The following TAF4 variants were observed in gnomAD, a reference collection of about 807,000 sequenced individuals.
The protein encoded by TAF4 is TATA-box binding protein associated factor 4, also known as transcription initiation factor TFIID subunit 4.
In TAF4, 9 loss-of-function variants were observed where a neutral mutation model predicts 90.3. The observed-to-expected ratio is 0.10, with a 90% CI of 0.06 to 0.17. The LOEUF (loss-of-function observed/expected upper bound fraction) is 0.17. Among genes scored for constraint, TAF4 ranks in the 10% least tolerant of loss-of-function variants. The pLI is 1.00. For missense variants in TAF4, 1,351 were observed against 1,370.7 expected, an observed-to-expected ratio of 0.99 and a Z score of 0.23; for synonymous variants, 818 against 638.9, an observed-to-expected ratio of 1.28 and a Z score of -4.23.
chr20:62,055,749 C>T (rs1185792529), intron 1 of TAF4, among the ~76,000 whole-genome samples: 1 of 152,222 alleles, frequency 6.6e-6, no homozygotes, highest in Non-Finnish European at 1.5e-5. Context: ...CCTGACTACC[C>T]TGCCCAGCAG....
At chr20:62,047,614 G>A (rs1352062273) in intron 1 of TAF4, among the ~76,000 whole-genome samples, 1 of 152,148 alleles carries the variant, frequency 6.6e-6, no homozygotes, top group East Asian at 1.9e-4. Flanking sequence ...TCAGGACAGC[G>A]CTAGAGGCAC....
chr20:62,030,927 CA>C (rs2055901267), intron 1 of TAF4, among the ~76,000 whole-genome samples: 2 of 152,162 alleles, frequency 1.3e-5, no homozygotes, highest in African/African-American at 4.8e-5. Flanking sequence ...TCTCAGTACT[CA>C]ATTCACTTGC....
intron 1 of TAF4, among the ~76,000 whole-genome samples, chr20:62,039,799 T>C (rs554317363): frequency 2.6e-5 from 4 of 151,990 alleles, no homozygotes; most frequent in African/African-American, 4.8e-5. Flanking sequence ...AAATCAATAA[T>C]GACAAAACTA....
Position 61,975,874 on chromosome 20 carries a change from A to G in TAF4, c.*294T>C. On this transcript the variant is annotated 3_prime_UTR_variant, in exon 15 of 15. Transcript: ENST00000252996. ...AAACTGCTATGAGTTGACAGAGGGC[A>G]GCTAATTATTTGCTAACGATTCCAT... is the stretch of plus-strand genomic sequence containing the variant. 1 of 381,862 alleles carries G rather than the reference A, an allele frequency of 2.6e-6. No individual in the cohort carries two copies. The allele number at this position is 381,862 out of a possible 1,614,324, so 23.7% of individuals were successfully genotyped here.
chr20:62,053,742 G>A (rs868746190), intron 1 of TAF4, among the ~76,000 whole-genome samples: 1 of 152,190 alleles, frequency 6.6e-6, no homozygotes, highest in Non-Finnish European at 1.5e-5. Flanking sequence ...CTGTCCACCC[G>A]TATCCCACCC....
At chr20:62,016,946 G>A (rs991554727) in intron 1 of TAF4, among the ~76,000 whole-genome samples, 2 of 151,920 alleles carry the variant, frequency 1.3e-5, no homozygotes, top group Non-Finnish European at 1.5e-5. Context: ...GACCAGACTG[G>A]GCAATATAGT....
chr20:62,014,661 A>C lies in TAF4; in HGVS notation c.1407T>G (p.Pro469=). Residue 469 remains proline (P), a synonymous_variant, in exon 2 of 15, where the codon CCT becomes CCG. Coordinates refer to ENST00000252996, the MANE Select transcript of TAF4 (RefSeq NM_003185.4). ...RSENGQLLMI[P]QQALAQMQAQ... is the part of the protein sequence containing the mutation. ...CCTGCATCTGGGCCAAGGCCTGCTG[A>C]GGAATCATTAACAACTGCCCATTCT... The C allele has an allele frequency of 1.9e-6, 3 of 1,614,034 alleles. No individual in the cohort carries two copies. The Middle Eastern group carries it at 5.0e-4, about 266-fold the overall frequency.
intron 1 of TAF4, among the ~76,000 whole-genome samples, chr20:62,062,875 A>C (rs998094914): frequency 6.6e-6 from 1 of 152,220 alleles, no homozygotes; most frequent in Non-Finnish European, 1.5e-5. Flanking sequence ...AAAGGGGTGC[A>C]ACAGGCACCT....
intron 1 of TAF4, among the ~76,000 whole-genome samples, chr20:62,021,541 C>T (rs1447834002): frequency 6.6e-6 from 1 of 152,234 alleles, no homozygotes; most frequent in Non-Finnish European, 1.5e-5. Context: ...GCGCGCCCAA[C>T]GCGGAGTCGG....
chr20:62,065,163 G>C lies in TAF4; in HGVS notation c.648C>G (p.Ser216Arg). The C allele has an allele frequency of 3.3e-6, 4 of 1,215,914 alleles. No individual in the cohort carries two copies. Among genetic ancestry groups the C allele is most frequent in the Non-Finnish European group, 4.2e-6 (4 of 951,770 alleles). 75.3% of individuals were successfully genotyped at this position (1,215,914 alleles called of 1,614,324 possible). Residue 216 changes from serine to arginine, a missense_variant, in exon 1 of 15, where the codon AGC (serine) becomes AGG (arginine). Ser to Arg is a moderately radical substitution (Grantham distance 110). This residue lies in a region of TAF4 where 782 missense variants were observed against 536.6 expected (regional missense o/e 1.46). Transcript: ENST00000252996. ...NSHHAAAPAV[S>R]LVNNGPAALL... ...GCGCGGCGGGCCCGTTGTTGACCAG[G>C]CTGACAGCAGGTGCGGCGGCGTGGT...
chr20:62,004,710 C>T (rs2055733128), intron 7 of TAF4: 1 of 152,248 alleles, frequency 6.6e-6, no homozygotes, highest in Admixed American at 6.5e-5. Context: ...TGAACTTGGC[C>T]CTCAAGGGCC....
intron 14 of TAF4, chr20:61,981,355 G>C (rs1188369679): frequency 6.6e-6 from 1 of 152,092 alleles, no homozygotes; most frequent in Non-Finnish European, 1.5e-5. Context: ...TCTCAATACA[G>C]GAAAATCTGC....
Position 62,012,871 on chromosome 20 carries a change from G to C in TAF4, c.1585C>G (p.Gln529Glu). The change falls in exon 3 of 15, where the codon CAG (glutamine) becomes GAG (glutamate). Residue 529 changes from glutamine to glutamate, a missense_variant. Physicochemically the swap from Gln to Glu is conservative, Grantham distance 29. Around this residue, in one of 9 missense-constraint regions of TAF4, gnomAD observed 143 missense variants for 176.3 expected, o/e 0.81. Coordinates refer to ENST00000252996, the MANE Select transcript of TAF4 (RefSeq NM_003185.4). ...CTGGGCTGCACCGTTGTCTGGGCCT[G>C]AGACACTTGCTTAATTATGGTAGTT... ...TPTTIIKQVS[Q>E]AQTTVQPSAT... The C allele has an allele frequency of 1.2e-6, 2 of 1,614,196 alleles. No individual in the cohort carries two copies. Among genetic ancestry groups the C allele is most frequent in the Non-Finnish European group, 1.7e-6 (2 of 1,180,030 alleles).
chr20:61,996,884 A>G (rs2055666168), intron 14 of TAF4, among the ~76,000 whole-genome samples: 1 of 152,166 alleles, frequency 6.6e-6, no homozygotes. Context: ...GATCTGCACC[A>G]CAAGAAATCC....
intron 1 of TAF4, among the ~76,000 whole-genome samples, chr20:62,033,426 G>C (rs778357425): frequency 7.2e-5 from 11 of 152,162 alleles, no homozygotes; most frequent in Non-Finnish European, 1.5e-4. Context: ...AAAGCAAACA[G>C]AAAGCAACTT....
chr20:62,018,144 C>T (rs1478970124), intron 1 of TAF4, among the ~76,000 whole-genome samples: 1 of 152,312 alleles, frequency 6.6e-6, no homozygotes, highest in African/African-American at 2.4e-5. Context: ...GCGCGAGTGG[C>T]CACGTCTCCT....
chr20:62,060,101 G>A (rs751731438), intron 1 of TAF4, among the ~76,000 whole-genome samples: 8 of 152,240 alleles, frequency 5.3e-5, no homozygotes, highest in Non-Finnish European at 1.0e-4. Context: ...TCCCTGTGCT[G>A]ATGTCTAAGG....
intron 1 of TAF4, among the ~76,000 whole-genome samples, chr20:62,050,215 G>A (rs1036538196): frequency 6.6e-6 from 1 of 152,186 alleles, no homozygotes; most frequent in Non-Finnish European, 1.5e-5. Context: ...CACAGCAGCA[G>A]AAGGAAGGGC....
At chr20:62,008,599 GGTCT>G (rs1343303711) in intron 5 of TAF4, among the ~76,000 whole-genome samples, 2 of 152,096 alleles carry the variant, frequency 1.3e-5, no homozygotes, top group Non-Finnish European at 2.9e-5. Context: ...TGCCTCAGCT[GGTCT>G]GCTCCATGGG....
Sources: gnomAD v4.1 joint callset for allele counts (sites outside exome capture counted in the v4.1 genomes callset) on GRCh38, gnomAD v4.1.1 for gene constraint, gnomAD v4.1.1 regional missense constraint, MANE v1.5 for transcripts, NCBI Gene and HGNC (gene_info 2026-07-23, HGNC 2026-07-21) for gene names.